Variants in PCDHA2 observed in about 807,000 individuals in gnomAD.
PCDHA2 encodes the protein protocadherin alpha 2, also known as protocadherin alpha-2.
In PCDHA2, 58 loss-of-function variants were observed where a neutral mutation model predicts 66.0. The observed-to-expected ratio is 0.88, with a 90% CI of 0.71 to 1.09. The LOEUF is 1.09. PCDHA2 is among the 50% of genes least tolerant of loss of function. The pLI is 0.00. For missense variants in PCDHA2, 1,267 were observed against 1,242.3 expected (o/e 1.02, Z -0.30); for synonymous variants, 634 against 554.0 (o/e 1.14, Z -2.03).
intron 1 of PCDHA2, chr5:140,851,026 C>A (rs1554145197): frequency 2.8e-6 from 4 of 1,416,346 alleles, no homozygotes; most frequent in Admixed American, 5.4e-5. Flanking sequence ...ATAAAGTAAA[C>A]CCCTTAACAT....
intron 1 of PCDHA2, among the ~76,000 whole-genome samples, chr5:140,971,186 G>T (rs1052745272): frequency 1.8e-4 from 28 of 152,258 alleles, no homozygotes; most frequent in African/African-American, 6.7e-4. Context: ...TAAGCCGGAA[G>T]CTCAGAGGAA....
At chr5:140,861,660 G>C (rs1410564922) in intron 1 of PCDHA2, 1 of 269,190 alleles carries the variant, frequency 3.7e-6, no homozygotes, top group Admixed American at 4.3e-5. Context: ...TCTGAAACGA[G>C]AGCTCTTGAT....
intron 1 of PCDHA2, chr5:140,876,776 T>C: frequency 1.2e-6 from 2 of 1,614,212 alleles, no homozygotes; most frequent in Non-Finnish European, 1.7e-6. Context: ...TCGCCTTCGC[T>C]GTGGGCCACG....
At chr5:140,818,443 C>T (rs1042756863) in intron 1 of PCDHA2, among the ~76,000 whole-genome samples, 1 of 152,150 alleles carries the variant, frequency 6.6e-6, no homozygotes, top group Non-Finnish European at 1.5e-5. Context: ...TGGGTACTGG[C>T]TAATGTCAAA....
At chr5:140,902,594 A>G (rs1208012043) in intron 1 of PCDHA2, among the ~76,000 whole-genome samples, 1 of 152,112 alleles carries the variant, frequency 6.6e-6, no homozygotes, top group Non-Finnish European at 1.5e-5. Context: ...TTTGGGAAAC[A>G]GGTCGTTTTC....
At chr5:140,858,274 G>C (rs376781836) in intron 1 of PCDHA2, 1 of 1,597,298 alleles carries the variant, frequency 6.3e-7, no homozygotes, top group African/African-American at 1.3e-5. Flanking sequence ...GCTCTAGCGC[G>C]GTGGGGAGCT....
At chr5:140,988,085 G>T (rs1490034264) in intron 3 of PCDHA2, among the ~76,000 whole-genome samples, 1 of 152,176 alleles carries the variant, frequency 6.6e-6, no homozygotes, top group East Asian at 1.9e-4. Flanking sequence ...ATGAGTGAGT[G>T]CAGCCTCGGG....
chr5:140,840,728 G>T (rs995381771), intron 1 of PCDHA2, among the ~76,000 whole-genome samples: 1 of 151,956 alleles, frequency 6.6e-6, no homozygotes, highest in Non-Finnish European at 1.5e-5. Context: ...ATAAAGAAAA[G>T]CAAAAATTTA....
intron 1 of PCDHA2, chr5:140,834,395 G>T (rs2150216541): frequency 6.3e-7 from 1 of 1,598,712 alleles, no homozygotes; most frequent in Non-Finnish European, 8.5e-7. Context: ...TGGTGTGCCC[G>T]AATGGATACG....
intron 1 of PCDHA2, among the ~76,000 whole-genome samples, chr5:140,840,809 C>T (rs1776884583): frequency 6.6e-6 from 1 of 151,832 alleles, no homozygotes; most frequent in Admixed American, 6.6e-5. Flanking sequence ...TAATATATAC[C>T]AGTGTTTCTG....
intron 1 of PCDHA2, chr5:140,877,686 G>T (rs1554169986): frequency 6.2e-7 from 1 of 1,613,818 alleles, no homozygotes; most frequent in Non-Finnish European, 8.5e-7. Flanking sequence ...GCAAGCCCAC[G>T]CTGGTGTGCT....
chr5:140,881,301 A>C (rs1432436745), intron 1 of PCDHA2: 2 of 957,940 alleles, frequency 2.1e-6, no homozygotes, highest in Admixed American at 1.2e-4. Context: ...TGGAAACTTT[A>C]ACCTCCTGGT....
intron 1 of PCDHA2, chr5:140,928,383 G>T (rs1474490422): frequency 2.5e-6 from 4 of 1,613,920 alleles, no homozygotes; most frequent in South Asian, 1.1e-5. Context: ...CCTCTAGCTT[G>T]CTGGCAGTGG....
At chr5:140,880,349 TGAATTTA>T in intron 1 of PCDHA2, among the ~76,000 whole-genome samples, 1 of 152,224 alleles carries the variant, frequency 6.6e-6, no homozygotes, top group East Asian at 1.9e-4. Flanking sequence ...AGGCAGCAGG[TGAATTTA>T]GATGAAAACC....
intron 1 of PCDHA2, chr5:140,882,794 G>C: frequency 6.2e-7 from 1 of 1,614,188 alleles, no homozygotes; most frequent in Non-Finnish European, 8.5e-7. Context: ...GGATCCCAAC[G>C]ATTATTTCAC....
chr5:140,824,195 C>T, intron 1 of PCDHA2: 1 of 1,600,340 alleles, frequency 6.2e-7, no homozygotes, highest in Non-Finnish European at 8.6e-7. Flanking sequence ...CACATTCACC[C>T]ACTTTTTTTG....
intron 1 of PCDHA2, chr5:140,883,186 C>T (rs782501193): frequency 1.4e-5 from 23 of 1,613,822 alleles, no homozygotes; most frequent in African/African-American, 2.7e-5. Context: ...GGACAAAAGG[C>T]AAACTAGATT....
At position 140,877,565 on chromosome 5, in the gene PCDHA2, T is replaced by C; in HGVS notation, c.2388+80213T>C. On this transcript the variant is annotated intron_variant, in intron 1 of 3. Coordinates refer to ENST00000526136, the MANE Select transcript of PCDHA2 (RefSeq NM_018905.3). ...GAAGCGGCTCTGGTGGATATTAACG[T>C]GTACCTCATCATCGCCATCTGTGCG... 1 of 1,613,742 alleles carries C rather than the reference T, an allele frequency of 6.2e-7. No homozygotes were observed. The highest frequency in any genetic ancestry group is 1.7e-5 in the Admixed American group (1 of 60,024).
At chr5:140,822,274 T>A (rs201640591) in intron 1 of PCDHA2, 1 of 1,614,216 alleles carries the variant, frequency 6.2e-7, no homozygotes, top group Non-Finnish European at 8.5e-7. Context: ...AAATGCACAA[T>A]TGAGATACAG....
Sources: gnomAD v4.1 joint callset for allele counts (sites outside exome capture counted in the v4.1 genomes callset) on GRCh38, gnomAD v4.1.1 for gene constraint, MANE v1.5 for transcripts, NCBI Gene and HGNC (gene_info 2026-07-23, HGNC 2026-07-21) for gene names.